Variants in PTPRT observed in about 807,000 individuals in gnomAD.
The protein encoded by PTPRT is receptor-type tyrosine-protein phosphatase T.
Under a neutral mutation model 176.8 loss-of-function variants are expected in PTPRT, and 56 were observed. The observed-to-expected ratio is 0.32, with a 90% CI of 0.26 to 0.40. The LOEUF (loss-of-function observed/expected upper bound fraction) is 0.40. Ranked by LOEUF, PTPRT falls within the 10% of genes least tolerant of loss-of-function variation. The pLI is 1.00. For missense variants in PTPRT, 1,540 were observed against 1,908.2 expected (o/e 0.81, Z 3.60); for synonymous variants, 783 against 739.0 (o/e 1.06, Z -0.96).
chr20:42,982,911 G>A (rs928388598), intron 1 of PTPRT, among the ~76,000 whole-genome samples: 10 of 152,228 alleles, frequency 6.6e-5, no homozygotes, highest in Non-Finnish European at 1.2e-4. Flanking sequence ...AATCTATCCA[G>A]GTAGATATAA....
At chr20:42,735,629 A>G (rs1017429886) in intron 6 of PTPRT, among the ~76,000 whole-genome samples, 2 of 152,166 alleles carry the variant, frequency 1.3e-5, no homozygotes, top group East Asian at 1.9e-4. Flanking sequence ...TCCCCCACAC[A>G]TTGAACTGCA....
At chr20:42,368,221 T>C (rs1302348278) in intron 9 of PTPRT, among the ~76,000 whole-genome samples, 2 of 152,172 alleles carry the variant, frequency 1.3e-5, no homozygotes, top group African/African-American at 4.8e-5. Flanking sequence ...GATTATGCCC[T>C]GGGCAGGAAA....
chr20:42,109,148 A>AAGAT lies in PTPRT; in HGVS notation c.3254+1181_3254+1184dup, dbSNP rs565779036. ...GGGTTGTGTAGCTACTATTGCTGGG[A>AAGAT]AGATAAATAAATGGATGCTGTATGA... On this transcript the variant is annotated intron_variant, in intron 23 of 30. Coordinates refer to ENST00000373187, the MANE Select transcript of PTPRT (RefSeq NM_007050.6). Among the ~76,000 whole-genome samples, 42 of 146,490 alleles carry AAGAT rather than the reference A, an allele frequency of 2.9e-4. No individual in the cohort carries two copies. The East Asian group carries it at 4.4e-3, about 15-fold the overall frequency.
At position 42,080,235 on chromosome 20, in the gene PTPRT, A is replaced by T. The variant is rs1436852534; in HGVS notation, c.*644T>A. ...GTGGACACAGCTGGCCGGCCAGTGA[A>T]TGCTGGACGGTCAAGGCCCAGGCTG... On this transcript the variant is annotated 3_prime_UTR_variant, in exon 31 of 31. Transcript: ENST00000373187. 8.6e-6 allele frequency: 2 copies of T among 232,626 alleles called. No homozygotes were observed. The highest frequency in any genetic ancestry group is 1.2e-3 in the Middle Eastern group (1 of 810). The allele number at this position is 232,626 out of a possible 1,614,324, so 14.4% of individuals were successfully genotyped here. A position where few individuals can be genotyped will look rare whatever the true frequency, so the allele number is the denominator to read the frequency against.
chr20:42,593,856 T>C (rs1018867018), intron 7 of PTPRT, among the ~76,000 whole-genome samples: 5 of 152,146 alleles, frequency 3.3e-5, no homozygotes, highest in Non-Finnish European at 7.4e-5. Context: ...AGCCCCTTTG[T>C]TAAGTAGGAG....
intron 6 of PTPRT, among the ~76,000 whole-genome samples, chr20:42,752,424 T>C (rs1471298021): frequency 1.3e-5 from 2 of 152,006 alleles, no homozygotes; most frequent in African/African-American, 4.8e-5. Flanking sequence ...GGTCACAGAG[T>C]TGGGACAAGG....
chr20:42,406,328 T>TA (rs1360872615), intron 9 of PTPRT, among the ~76,000 whole-genome samples: 1 of 151,846 alleles, frequency 6.6e-6, no homozygotes, highest in Non-Finnish European at 1.5e-5. Flanking sequence ...TATAACATAT[T>TA]AAAAAAGAGA....
At chr20:43,152,929 T>A (rs1284145114) in intron 1 of PTPRT, among the ~76,000 whole-genome samples, 1 of 149,160 alleles carries the variant, frequency 6.7e-6, no homozygotes, top group Non-Finnish European at 1.5e-5. Context: ...ACTTCCCAAT[T>A]TTTTTTTTAC....
intron 6 of PTPRT, among the ~76,000 whole-genome samples, chr20:42,681,256 C>T (rs1037386450): frequency 6.6e-6 from 1 of 152,182 alleles, no homozygotes; most frequent in African/African-American, 2.4e-5. Context: ...AGTCCAATGG[C>T]TAGAGTCAGC....
chr20:42,449,606 G>A (rs1012427056), intron 8 of PTPRT, among the ~76,000 whole-genome samples: 1 of 152,162 alleles, frequency 6.6e-6, no homozygotes, highest in Admixed American at 6.5e-5. Flanking sequence ...AGAGAACTGA[G>A]GCTGAGAAAA....
chr20:43,101,582 T>C (rs1441370387), intron 1 of PTPRT, among the ~76,000 whole-genome samples: 4 of 151,142 alleles, frequency 2.6e-5, no homozygotes, highest in Non-Finnish European at 5.9e-5. Flanking sequence ...ACTAGCATCA[T>C]GTTACTCTTG....
At chr20:42,980,952 G>A (rs961444601) in intron 1 of PTPRT, among the ~76,000 whole-genome samples, 1 of 152,114 alleles carries the variant, frequency 6.6e-6, no homozygotes, top group African/African-American at 2.4e-5. Context: ...GCGGAAGAGT[G>A]GGAGCCCAAC....
At chr20:42,034,555 A>G in the PTPRT span, among the ~76,000 whole-genome samples, 1 of 152,138 alleles carries the variant, frequency 6.6e-6, no homozygotes. Context: ...TGTGGACCTC[A>G]CTGTTACAAG....
chr20:43,092,080 A>G (rs2011901971), intron 1 of PTPRT, among the ~76,000 whole-genome samples: 1 of 152,230 alleles, frequency 6.6e-6, no homozygotes, highest in African/African-American at 2.4e-5. Context: ...AAAACAAAGC[A>G]TACAACAAGG....
chr20:42,215,401 T>C (rs2055745025), intron 15 of PTPRT, among the ~76,000 whole-genome samples: 1 of 152,220 alleles, frequency 6.6e-6, no homozygotes, highest in African/African-American at 2.4e-5. Flanking sequence ...TGATAAATGA[T>C]GACAGTTCCC....
intron 2 of PTPRT, among the ~76,000 whole-genome samples, chr20:42,857,003 C>T (rs972150621): frequency 6.6e-5 from 10 of 152,138 alleles, no homozygotes; most frequent in African/African-American, 2.4e-4. Flanking sequence ...ATTTCTGGGG[C>T]TACATGCCCA....
At chr20:42,883,897 T>TACACAC (rs757354228) in intron 2 of PTPRT, among the ~76,000 whole-genome samples, 2 of 114,576 alleles carry the variant, frequency 1.7e-5, no homozygotes, top group African/African-American at 3.5e-5. Context: ...TACACCCCCA[T>TACACAC]ACACACACAC....
At chr20:42,436,997 C>T (rs1293626456) in intron 9 of PTPRT, among the ~76,000 whole-genome samples, 2 of 152,170 alleles carry the variant, frequency 1.3e-5, no homozygotes, top group African/African-American at 2.4e-5. Flanking sequence ...GGAATTCACA[C>T]AAGTAGCAAA....
intron 7 of PTPRT, among the ~76,000 whole-genome samples, chr20:42,596,724 C>T (rs1188309070): frequency 6.6e-6 from 1 of 152,098 alleles, no homozygotes; most frequent in Non-Finnish European, 1.5e-5. Flanking sequence ...ACGAAAAATA[C>T]AAATATGAGA....
Sources: gnomAD v4.1 joint callset for allele counts (sites outside exome capture counted in the v4.1 genomes callset) on GRCh38, gnomAD v4.1.1 for gene constraint, MANE v1.5 for transcripts, NCBI Gene and HGNC (gene_info 2026-07-23, HGNC 2026-07-21) for gene names.